CEP63: variants seen among roughly 807,000 people sequenced by gnomAD.
CEP63 encodes the protein centrosomal protein 63.
In CEP63, 84 loss-of-function variants were observed where a neutral mutation model predicts 89.1. The observed-to-expected ratio is 0.94, with a 90% CI of 0.79 to 1.13. The LOEUF (loss-of-function observed/expected upper bound fraction) is 1.13. Among genes scored for constraint, CEP63 ranks in the 50% most tolerant of loss-of-function variants. CEP63 has a pLI of 0.00. For synonymous variants in CEP63, 267 were observed against 272.5 expected, an observed-to-expected ratio of 0.98 and a Z score of 0.20; for missense variants, 838 against 813.3, an observed-to-expected ratio of 1.03 and a Z score of -0.37.
At chr3:134,513,976 T>C (rs959623532) in intron 3 of CEP63, among the ~76,000 whole-genome samples, 3 of 152,004 alleles carry the variant, frequency 2.0e-5, no homozygotes, top group Admixed American at 1.3e-4. Flanking sequence ...GAAAATAACC[T>C]GAGACAACAA....
At chr3:134,682,970 C>T in the CEP63 span, among the ~76,000 whole-genome samples, 1 of 152,174 alleles carries the variant, frequency 6.6e-6, no homozygotes, top group African/African-American at 2.4e-5. Flanking sequence ...ATTCTATGAA[C>T]AAAGCAACCA....
intron 6 of CEP63, among the ~76,000 whole-genome samples, chr3:134,537,755 A>G (rs562458166): frequency 1.3e-4 from 19 of 151,780 alleles, no homozygotes; most frequent in Non-Finnish European, 2.1e-4. Context: ...CTCCATCCCT[A>G]TGGTCACTGG....
At chr3:134,646,340 G>A in the CEP63 span, among the ~76,000 whole-genome samples, 3 of 152,130 alleles carry the variant, frequency 2.0e-5, no homozygotes, top group East Asian at 1.9e-4. Flanking sequence ...GTGGGGATGG[G>A]GAGTGTGTCT....
chr3:134,562,332 T>C lies in CEP63; in HGVS notation c.*797T>C. On this transcript the variant is annotated 3_prime_UTR_variant, in exon 15 of 15. Coordinates refer to ENST00000675561, the MANE Select transcript of CEP63 (RefSeq NM_001353108.3). Reference sequence around the variant, plus strand: ...GTGGAGAGAGAGAGGAGCAGGAGGCTGGGTTTGGGGCCCTGAAAGATGCCA... The same window carrying C: ...GTGGAGAGAGAGAGGAGCAGGAGGCCGGGTTTGGGGCCCTGAAAGATGCCA... 2 of 607,716 alleles carry C rather than the reference T, an allele frequency of 3.3e-6. No individual in the cohort carries two copies. The highest frequency in any genetic ancestry group is 4.1e-6 in the Non-Finnish European group (2 of 484,832). The allele number at this position is 607,716 out of a possible 1,614,324, so 37.6% of individuals were successfully genotyped here. A position where few individuals can be genotyped will look rare whatever the true frequency, so the allele number is the denominator to read the frequency against.
At chr3:134,552,064 T>A in intron 12 of CEP63, 52 bp downstream of exon 12, 1 of 953,334 alleles carries the variant, frequency 1.0e-6, no homozygotes, top group Non-Finnish European at 1.7e-6. Flanking sequence ...TCAAAAAAAT[T>A]ACTTTGTAAA....
chr3:134,752,964 C>G, the CEP63 span, among the ~76,000 whole-genome samples: 2 of 152,078 alleles, frequency 1.3e-5, no homozygotes, highest in Non-Finnish European at 2.9e-5. Context: ...GGTCTGGTGG[C>G]CAGGAGCCTG....
At chr3:134,717,091 C>A in the CEP63 span, among the ~76,000 whole-genome samples, 1 of 152,182 alleles carries the variant, frequency 6.6e-6, no homozygotes, top group Non-Finnish European at 1.5e-5. Flanking sequence ...AACACAGGAG[C>A]TGGTCCAATG....
the CEP63 span, among the ~76,000 whole-genome samples, chr3:134,756,591 T>A: frequency 2.6e-5 from 4 of 152,068 alleles, no homozygotes; most frequent in Non-Finnish European, 5.9e-5. Flanking sequence ...TGGGCTCAAG[T>A]GATCTGCCCA....
At position 134,559,299 on chromosome 3, in the gene CEP63, C is replaced by T. The variant is rs747194070; in HGVS notation, c.1823C>T (p.Ser608Phe). 6.2e-7 allele frequency: 1 copy of T among 1,614,156 alleles called. No individual in the cohort carries two copies. The change falls in exon 14 of 15, where the codon TCC becomes TTC. Residue 608 changes from serine (S) to phenylalanine (F), a missense_variant. By Grantham distance (155) the Ser-to-Phe change is radical. Coordinates refer to ENST00000675561, the MANE Select transcript of CEP63 (RefSeq NM_001353108.3). ...PLSPQISPCS[S>F]TRSLTSYSLC... ...AGTCCTCAAATCAGCCCTTGCAGCT[C>T]CACCAGGTCTTTGACTTCCTACTCT...
At chr3:134,490,476 G>A (rs1389445976) in intron 1 of CEP63, among the ~76,000 whole-genome samples, 1 of 151,994 alleles carries the variant, frequency 6.6e-6, no homozygotes, top group Non-Finnish European at 1.5e-5. Flanking sequence ...CTAGGAAAGT[G>A]TATAGTAAAA....
At position 134,507,636 on chromosome 3, in the gene CEP63, C is replaced by T. The variant is rs149341949; in HGVS notation, c.222+350C>T. 3.3e-5 allele frequency among the ~76,000 whole-genome samples: 5 copies of T among 151,912 alleles called. No individual in the cohort carries two copies. The East Asian group carries it at 9.7e-4, about 29-fold the overall frequency. On this transcript the variant is annotated intron_variant, in intron 3 of 14. Coordinates refer to ENST00000675561, the MANE Select transcript of CEP63 (RefSeq NM_001353108.3). ...AATTGCTTTTGGCTTCACTGTATGG[C>T]TGGTATTACAAAAGAAGTTCCAGAT...
intron 3 of CEP63, among the ~76,000 whole-genome samples, chr3:134,529,540 C>G (rs975307557): frequency 6.6e-6 from 1 of 152,046 alleles, no homozygotes; most frequent in Non-Finnish European, 1.5e-5. Flanking sequence ...GAGGTTTTGT[C>G]GTGTTGGCCA....
In CEP63 at chr3:134,546,184, T is replaced by C. The variant is rs965842902; in HGVS notation, c.825T>C (p.Ala275=). The change falls in exon 8 of 15, where the codon GCT becomes GCC. Residue 275 remains alanine, a synonymous_variant. Transcript: ENST00000675561. Reference sequence around the variant, plus strand: ...AAGAAAAGAGAGAATTGAAGGCAGCTCTTCAGTCTCAAGAAAATCTCATAC... The same window carrying C: ...AAGAAAAGAGAGAATTGAAGGCAGCCCTTCAGTCTCAAGAAAATCTCATAC... ...LQEEKRELKA[A]LQSQENLIHE... 6.2e-7 allele frequency: 1 copy of C among 1,613,752 alleles called. No individual in the cohort carries two copies. Among genetic ancestry groups the C allele is most frequent in the Non-Finnish European group, 8.5e-7 (1 of 1,179,922 alleles).
the CEP63 span, among the ~76,000 whole-genome samples, chr3:134,705,906 G>C: frequency 5.9e-5 from 9 of 152,184 alleles, no homozygotes; most frequent in African/African-American, 2.2e-4. Context: ...ATAACTTTCT[G>C]TGTGTTAAGT....
intron 3 of CEP63, among the ~76,000 whole-genome samples, chr3:134,526,110 C>T (rs1472268473): frequency 2.0e-5 from 3 of 152,150 alleles, no homozygotes; most frequent in African/African-American, 7.2e-5. Context: ...TCCCATATAT[C>T]TTGGGGGTTT....
chr3:134,746,074 C>G, the CEP63 span, among the ~76,000 whole-genome samples: 2 of 151,754 alleles, frequency 1.3e-5, no homozygotes, highest in Admixed American at 6.6e-5. Flanking sequence ...CACCACCCCC[C>G]CCACCCCATG....
the CEP63 span, among the ~76,000 whole-genome samples, chr3:134,670,909 C>T: frequency 6.6e-6 from 1 of 152,134 alleles, no homozygotes; most frequent in African/African-American, 2.4e-5. Context: ...GAATTAACTA[C>T]AGTTAGAAGG....
chr3:134,612,796 T>TGTGTGTGTGTGTG, the CEP63 span, among the ~76,000 whole-genome samples: 13 of 148,980 alleles, frequency 8.7e-5, no homozygotes, highest in East Asian at 5.9e-4. Context: ...TGTGTGTGTG[T>TGTGTGTGTGTGTG]TGCCTGCATG....
chr3:134,542,587 A>T (rs1952272885), intron 6 of CEP63, among the ~76,000 whole-genome samples: 1 of 152,212 alleles, frequency 6.6e-6, no homozygotes, highest in African/African-American at 2.4e-5. Flanking sequence ...TTTGGAAAAT[A>T]AAAAGCCTTG....
Sources: gnomAD v4.1 joint callset for allele counts (sites outside exome capture counted in the v4.1 genomes callset) on GRCh38, gnomAD v4.1.1 for gene constraint, MANE v1.5 for transcripts, NCBI Gene and HGNC (gene_info 2026-07-23, HGNC 2026-07-21) for gene names.